Variants in SMARCA4 observed in about 807,000 individuals in gnomAD.
SMARCA4 encodes SWI/SNF related BAF chromatin remodeling complex subunit ATPase 4.
A neutral mutation model predicts 193.9 loss-of-function variants in SMARCA4; 31 were observed. That is an observed-to-expected ratio of 0.16 (90% CI 0.12 to 0.22). The LOEUF (loss-of-function observed/expected upper bound fraction) is 0.22. Among genes scored for constraint, SMARCA4 ranks in the 10% least tolerant of loss-of-function variants. The probability of loss-of-function intolerance (pLI) is 1.00; values close to 1 mark genes in which losing one functional copy is unlikely to be tolerated. For missense variants in SMARCA4, 1,148 were observed against 2,296.0 expected (o/e 0.50, Z 10.22); for synonymous variants, 942 against 933.1 (o/e 1.01, Z -0.17).
intron 20 of SMARCA4, among the ~76,000 whole-genome samples, chr19:11,023,838 A>G (rs564707447): frequency 3.9e-4 from 59 of 152,328 alleles, no homozygotes; most frequent in African/African-American, 1.3e-3. Context: ...CATAGCTCAC[A>G]ATAGGTTAGA....
intron 6 of SMARCA4, among the ~76,000 whole-genome samples, chr19:10,988,766 C>T (rs977023234): frequency 2.6e-5 from 4 of 151,988 alleles, no homozygotes; most frequent in Non-Finnish European, 5.9e-5. Context: ...CTGAGAGTTC[C>T]TTGCTTTGTT....
At position 11,010,445 on chromosome 19, in the gene SMARCA4, T is replaced by A; in HGVS notation, c.2188T>A (p.Ser730Thr). 1 of 1,614,050 alleles carries A rather than the reference T, an allele frequency of 6.2e-7. No individual in the cohort carries two copies. The highest frequency in any genetic ancestry group is 8.5e-7 in the Non-Finnish European group (1 of 1,179,928). Residue 730 changes from serine to threonine, a missense_variant, in exon 15 of 35, where the codon TCC becomes ACC. Around this residue, in one of 17 missense-constraint regions of SMARCA4, gnomAD observed 6 missense variants for 45.7 expected, o/e 0.13. Coordinates refer to ENST00000344626, the MANE Select transcript of SMARCA4 (RefSeq NM_003072.5). ...VSQALARGLQ[S>T]YYAVAHAVTE... ...CCAGGCCCTTGCACGTGGCCTGCAG[T>A]CCTACTATGCCGTGGCCCATGCTGT...
rs2089649381 is a variant in SMARCA4, at chr19:11,019,313, GC to G, written c.2506-276del. ...GACCCAGGAAGAGGGGAGCCTGTCA[GC>G]CACCAGGAATGTGCAGATGGCGGTG... On this transcript the variant is annotated intron_variant, in intron 17 of 34. Transcript: ENST00000344626. The surrounding 1 kb of genome is among the most constrained non-coding windows in gnomAD (Gnocchi z 6.1). The G allele has an allele frequency of 1.7e-6, 1 of 605,510 alleles. No homozygotes were observed. The highest frequency in any genetic ancestry group is 1.8e-5 in the African/African-American group (1 of 54,208). 37.5% of individuals were successfully genotyped at this position (605,510 alleles called of 1,614,324 possible).
intron 1 of SMARCA4, among the ~76,000 whole-genome samples, chr19:10,963,800 CTG>C (rs1040957261): frequency 3.3e-5 from 5 of 150,528 alleles, no homozygotes; most frequent in Admixed American, 2.0e-4. Context: ...GAGTCTCGCT[CTG>C]TCATCCGGGC....
At chr19:11,035,244 C>A in intron 29 of SMARCA4, 112 bp downstream of exon 29, 1 of 994,466 alleles carries the variant, frequency 1.0e-6, no homozygotes, top group Non-Finnish European at 1.6e-6. Context: ...TTTCCTTGGG[C>A]CACTCCTGGC....
chr19:11,033,228 G>A lies in SMARCA4; in HGVS notation c.3547-62G>A. On this transcript the variant is annotated intron_variant, in intron 25 of 34. Coordinates refer to ENST00000344626, the MANE Select transcript of SMARCA4 (RefSeq NM_003072.5). The surrounding 1 kb of genome is among the most constrained non-coding windows in gnomAD (Gnocchi z 9.8). ...CACACCTCTCCAGCTAGTGTCAGAGGCCACCTTCCCTTTTATGACCTCCTG... is the reference window on the plus strand; with the variant it reads ...CACACCTCTCCAGCTAGTGTCAGAGACCACCTTCCCTTTTATGACCTCCTG... 7.7e-7 allele frequency: 1 copy of A among 1,296,348 alleles called. No homozygotes were observed. Among genetic ancestry groups the A allele is most frequent in the Non-Finnish European group, 1.1e-6 (1 of 893,006 alleles). 80.3% of individuals were successfully genotyped at this position (1,296,348 alleles called of 1,614,324 possible).
intron 20 of SMARCA4, among the ~76,000 whole-genome samples, 190 bp from the exon 21 acceptor site, chr19:11,024,141 C>A (rs1600298513): frequency 2.0e-5 from 3 of 152,212 alleles, no homozygotes; most frequent in Admixed American, 2.0e-4. Context: ...GGTATCTCTG[C>A]CTGGTGCTTC....
chr19:11,014,707 C>T lies in SMARCA4; in HGVS notation c.2438+1595C>T, dbSNP rs557024333. On this transcript the variant is annotated intron_variant, in intron 16 of 34. Coordinates refer to ENST00000344626, the MANE Select transcript of SMARCA4 (RefSeq NM_003072.5). ...TCTCAGATCACCATCTCTGCTGGAACGCCGCTCTCCAGGGTGCTGTTGTTT... is the reference window on the plus strand; with the variant it reads ...TCTCAGATCACCATCTCTGCTGGAATGCCGCTCTCCAGGGTGCTGTTGTTT... Among the ~76,000 whole-genome samples the T allele has an allele frequency of 5.6e-4, 85 of 152,316 alleles. 1 individual carries two copies. The highest frequency in any genetic ancestry group is 7.5e-4 in the Non-Finnish European group (51 of 68,026).
At position 10,984,081 on chromosome 19, in the gene SMARCA4, C is replaced by A; in HGVS notation, c.-31-40C>A. ...CTTGCTATCCCTGTCCTGCCTCGCC[C>A]TTGGTCATGAACCCCAGACTGACCA... On this transcript the variant is annotated intron_variant, in intron 1 of 34. Coordinates refer to ENST00000344626, the MANE Select transcript of SMARCA4 (RefSeq NM_003072.5). The surrounding 1 kb of genome is among the most constrained non-coding windows in gnomAD (Gnocchi z 4.3). 6.3e-7 allele frequency: 1 copy of A among 1,581,860 alleles called. No homozygotes were observed.
chr19:10,980,509 C>T (rs1055803154), intron 1 of SMARCA4, among the ~76,000 whole-genome samples: 11 of 152,052 alleles, frequency 7.2e-5, no homozygotes, highest in African/African-American at 2.7e-4. Context: ...TGGCATACGC[C>T]TGTAGTCCCA....
intron 23 of SMARCA4, 151 bp downstream of exon 23, chr19:11,026,497 C>A: frequency 2.4e-6 from 1 of 414,906 alleles, no homozygotes; most frequent in Non-Finnish European, 4.4e-6. Flanking sequence ...TAATACAAAT[C>A]TTTTTTTTTT....
chr19:10,968,387 A>G (rs1438759404), intron 1 of SMARCA4, among the ~76,000 whole-genome samples: 3 of 152,182 alleles, frequency 2.0e-5, no homozygotes, highest in East Asian at 1.9e-4. Context: ...GTATGTGGAC[A>G]CTTGTCACTG....
At position 11,030,908 on chromosome 19, in the gene SMARCA4, G is replaced by T. The variant is rs373423700; in HGVS notation, c.3546+15G>T. On this transcript the variant is annotated intron_variant, in intron 25 of 34. Coordinates refer to ENST00000344626, the MANE Select transcript of SMARCA4 (RefSeq NM_003072.5). This position sits in a 1 kb window ranked among gnomAD's most constrained non-coding sequence, Gnocchi z 5.5. ...ATCCTCACCAGGTAAAAGCGGGCCGGGCCCCAGGTCGAGGAGAAGGAAGGG... is the reference window on the plus strand; with the variant it reads ...ATCCTCACCAGGTAAAAGCGGGCCGTGCCCCAGGTCGAGGAGAAGGAAGGG... The T allele has an allele frequency of 1.2e-6, 2 of 1,607,642 alleles. No homozygotes were observed. Among genetic ancestry groups the T allele is most frequent in the South Asian group, 2.2e-5 (2 of 90,108 alleles).
chr19:10,977,416 C>T (rs532615459), intron 1 of SMARCA4, among the ~76,000 whole-genome samples: 214 of 150,832 alleles, frequency 1.4e-3, no homozygotes, highest in African/African-American at 5.1e-3. Flanking sequence ...CTCTGCCTCT[C>T]GGGTTCAATC....
intron 32 of SMARCA4, 57 bp from the exon 33 acceptor site, chr19:11,059,696 G>A (rs993623111): frequency 7.1e-6 from 11 of 1,539,996 alleles, no homozygotes; most frequent in African/African-American, 6.9e-5. Context: ...GGCCAGGGCC[G>A]GGCAGGCAGC....
chr19:11,023,496 C>T (rs764681449), intron 19 of SMARCA4, 22 bp from the exon 20 acceptor site: 2 of 1,490,928 alleles, frequency 1.3e-6, no homozygotes, highest in Non-Finnish European at 1.9e-6. Context: ...ACGCTTGCTT[C>T]TCCTGTCTTG....
intron 14 of SMARCA4, among the ~76,000 whole-genome samples, chr19:11,009,055 G>A (rs1048560288): frequency 2.0e-5 from 2 of 97,952 alleles, no homozygotes; most frequent in Admixed American, 1.7e-4. Flanking sequence ...ATAGAGTCTT[G>A]CTCTTCACCA....
chr19:10,973,427 G>A (rs181752432), intron 1 of SMARCA4, among the ~76,000 whole-genome samples: 3 of 151,860 alleles, frequency 2.0e-5, no homozygotes, highest in Non-Finnish European at 4.4e-5. Context: ...TTTTGAGACG[G>A]AGTCTCGCTG....
rs533671711 is a variant in SMARCA4, at chr19:10,986,498, C to G, written c.665C>G (p.Pro222Arg). 1 of 1,548,088 alleles carries G rather than the reference C, an allele frequency of 6.5e-7. No homozygotes were observed. Among genetic ancestry groups the G allele is most frequent in the Non-Finnish European group, 8.7e-7 (1 of 1,147,648 alleles). ...CAGCAGCAGATGCCAACGCTACCTC[C>G]ACCCTCGGTGTCCGCAACAGGACCC... ...GMQQQMPTLP[P>R]PSVSATGPGP... Residue 222 changes from proline (P) to arginine (R), a missense_variant, in exon 4 of 35, where the codon CCA becomes CGA. Pro to Arg is a moderately radical substitution (Grantham distance 103). Coordinates refer to ENST00000344626, the MANE Select transcript of SMARCA4 (RefSeq NM_003072.5). This position sits in a 1 kb window ranked among gnomAD's most constrained non-coding sequence, Gnocchi z 6.7.
Sources: allele counts gnomAD v4.1 joint callset (sites outside exome capture counted in the v4.1 genomes callset), GRCh38; gene constraint gnomAD v4.1.1; regional missense constraint gnomAD v4.1.1; non-coding constraint Gnocchi (gnomAD v3.1); transcripts MANE v1.5; gene names NCBI Gene and HGNC (gene_info 2026-07-23, HGNC 2026-07-21).